FAM186B: variants seen among roughly 807,000 people sequenced by gnomAD.
The protein encoded by FAM186B is protein FAM186B.
FAM186B carries 68 observed loss-of-function variants against 83.4 expected under a neutral mutation model. The observed-to-expected ratio is 0.81, with a 90% confidence interval of 0.67 to 1.00. FAM186B has a LOEUF of 1.00. Ranked by LOEUF, FAM186B falls within the 50% of genes least tolerant of loss-of-function variation. The pLI is 0.00. For missense variants in FAM186B, 983 were observed against 1,099.2 expected (o/e 0.89, Z 1.49); for synonymous variants, 389 against 422.0 (o/e 0.92, Z 0.96).
At chr12:49,621,141 G>A in the FAM186B span, among the ~76,000 whole-genome samples, 1 of 152,224 alleles carries the variant, frequency 6.6e-6, no homozygotes, top group African/African-American at 2.4e-5. Context: ...CCAACACTTT[G>A]CCAGGTCGAG....
rs751527453 is a variant in FAM186B, at chr12:49,599,694, G to T, written c.1946C>A (p.Ser649Tyr). The T allele has an allele frequency of 1.9e-5, 30 of 1,610,304 alleles. No individual in the cohort carries two copies. Among genetic ancestry groups the T allele is most frequent in the Non-Finnish European group, 2.5e-5 (29 of 1,178,312 alleles). The part of the protein sequence containing the change: ...GTSIRRLTWP[S>Y]LQISPANIKK... ...AATATTTGCAGGGGATATCTGCAAAGAGGGCCAGGTCAGCCTTCGGATGGA... is the reference window on the plus strand; with the variant it reads ...AATATTTGCAGGGGATATCTGCAAATAGGGCCAGGTCAGCCTTCGGATGGA... The change falls in exon 4 of 7, where the codon TCT becomes TAT. Residue 649 changes from serine (S) to tyrosine (Y), a missense_variant. Physicochemically the swap from Ser to Tyr is moderately radical, Grantham distance 144 (BLOSUM62 -2). Coordinates refer to ENST00000257894, the MANE Select transcript of FAM186B (RefSeq NM_032130.3).
chr12:49,583,072 G>A, downstream of FAM186B: 3 of 456,272 alleles, frequency 6.6e-6, 1 homozygote, highest in South Asian at 4.6e-5. Context: ...ACCAGAGCAA[G>A]TTCAGCCACC....
At chr12:49,621,381 CA>C in the FAM186B span, among the ~76,000 whole-genome samples, 19 of 152,080 alleles carry the variant, frequency 1.2e-4, no homozygotes, top group Non-Finnish European at 2.4e-4. Flanking sequence ...CAAAACAAAA[CA>C]ACAACAACAA....
the FAM186B span, among the ~76,000 whole-genome samples, chr12:49,616,374 C>T: frequency 6.6e-6 from 1 of 152,088 alleles, no homozygotes; most frequent in South Asian, 2.1e-4. Context: ...CCCAGCAATC[C>T]CACTCCTAAG....
intron 3 of FAM186B, 43 bp from the exon 4 acceptor site, chr12:49,601,177 TC>T (rs772716334): frequency 6.5e-5 from 98 of 1,515,252 alleles, no homozygotes; most frequent in Non-Finnish European, 6.9e-5. Context: ...TTCTCATGGG[TC>T]CCAAGGATTG....
chr12:49,588,716 T>C (rs1939508873), intron 5 of FAM186B, 93 bp from the exon 6 acceptor site: 2 of 1,334,222 alleles, frequency 1.5e-6, no homozygotes, highest in African/African-American at 2.9e-5. Context: ...GTGCCCCTGC[T>C]GGACTCAGGG....
intron 6 of FAM186B, among the ~76,000 whole-genome samples, chr12:49,588,037 G>A (rs1162824466): frequency 6.6e-6 from 1 of 152,214 alleles, no homozygotes; most frequent in Non-Finnish European, 1.5e-5. Context: ...GGGTAGGTGT[G>A]GACCAGGGTC....
In FAM186B at chr12:49,588,452, A is replaced by G. The variant is rs746387916; in HGVS notation, c.2534+2T>C. On this transcript the variant is annotated splice_donor_variant, in intron 6 of 6. Transcript: ENST00000257894. LOFTEE classifies it high-confidence loss of function. ...CTGCCCCCTCAGCTTCCCAGAACCT[A>G]CCGGGCCATCTGCAGGGGCACACAT... 5.0e-6 allele frequency: 8 copies of G among 1,610,228 alleles called. No individual in the cohort carries two copies. Among genetic ancestry groups the G allele is most frequent in the Non-Finnish European group, 6.8e-6 (8 of 1,177,688 alleles).
chr12:49,590,770 A>AC (rs1014705657), intron 5 of FAM186B, among the ~76,000 whole-genome samples: 1 of 152,166 alleles, frequency 6.6e-6, no homozygotes, highest in Non-Finnish European at 1.5e-5. Context: ...ATGGTTCCTA[A>AC]CCCATAGGGC....
In FAM186B at chr12:49,604,528, G is replaced by C. The variant is rs565605408; in HGVS notation, c.107C>G (p.Thr36Ser). 6.2e-7 allele frequency: 1 copy of C among 1,614,004 alleles called. No individual in the cohort carries two copies. Among genetic ancestry groups the C allele is most frequent in the Non-Finnish European group, 8.5e-7 (1 of 1,179,870 alleles). Residue 36 changes from threonine to serine, a missense_variant, in exon 2 of 7, where the codon ACC (threonine) becomes AGC (serine). Transcript: ENST00000257894. ...ATTGTCCAAAATGTCTGAGAGCTGG[G>C]TAGAAATATCCTATAGAGAAGCAGC... is the stretch of plus-strand genomic sequence containing the variant. ...QLTRAQEDIS[T>S]QLSDILDNVN...
chr12:49,602,441 T>C (rs1486252601), intron 3 of FAM186B, among the ~76,000 whole-genome samples: 1 of 152,188 alleles, frequency 6.6e-6, no homozygotes, highest in Non-Finnish European at 1.5e-5. Flanking sequence ...CCTGAGCATG[T>C]TCCAAGCATG....
chr12:49,613,395 T>C, the FAM186B span, among the ~76,000 whole-genome samples: 104 of 150,822 alleles, frequency 6.9e-4, no homozygotes, highest in East Asian at 9.0e-3. Flanking sequence ...GGTGTGGTGG[T>C]GGGCGCCTGT....
At chr12:49,595,322 A>G (rs60415769) in intron 5 of FAM186B, 9 of 622,454 alleles carry the variant, frequency 1.4e-5, no homozygotes, top group Non-Finnish European at 2.4e-5. Context: ...GGACCATATG[A>G]CATAGTAGTT....
rs187327056 is a variant in FAM186B, at chr12:49,598,649, C to T, written c.2364+106G>A. ...TCTCCTTTCCCTTCTGCCCCTGGTC[C>T]CGCAGTCTCAGCCACATCCCCACGG... On this transcript the variant is annotated intron_variant, in intron 5 of 6. Transcript: ENST00000257894. The T allele has an allele frequency of 1.5e-5, 15 of 1,006,448 alleles. No individual in the cohort carries two copies. The East Asian group carries it at 3.4e-4, about 23-fold the overall frequency. The allele number at this position is 1,006,448 out of a possible 1,614,324, so 62.3% of individuals were successfully genotyped here.
downstream of FAM186B, chr12:49,587,489 G>A (rs1024687856): frequency 4.2e-6 from 6 of 1,426,678 alleles, no homozygotes; most frequent in Admixed American, 1.0e-4. Flanking sequence ...GTGTGGGATA[G>A]CAAATGAGGT....
downstream of FAM186B, among the ~76,000 whole-genome samples, chr12:49,585,297 C>T (rs541841230): frequency 1.3e-5 from 2 of 152,176 alleles, no homozygotes; most frequent in African/African-American, 2.4e-5. Flanking sequence ...GGATTACAGG[C>T]GTGAGCCACT....
In FAM186B at chr12:49,599,473, G is replaced by A. The variant is rs1413517963; in HGVS notation, c.2167C>T (p.Leu723Phe). Residue 723 changes from leucine to phenylalanine, a missense_variant, in exon 4 of 7, where the codon CTC becomes TTC. Physicochemically the swap from Leu to Phe is conservative, Grantham distance 22. Coordinates refer to ENST00000257894, the MANE Select transcript of FAM186B (RefSeq NM_032130.3). Reference protein sequence around the residue: ...KYIFYRRLQSLRQEAINHVQI... With the variant: ...KYIFYRRLQSFRQEAINHVQI... ...TGGGTTCCAGGGAGGACCTACCGGA[G>A]GCTCTGGAGGCGTCTATAGAAGATG... 6.6e-7 allele frequency: 1 copy of A among 1,526,564 alleles called. No individual in the cohort carries two copies. Among genetic ancestry groups the A allele is most frequent in the South Asian group, 1.3e-5 (1 of 75,404 alleles). The allele number at this position is 1,526,564 out of a possible 1,614,324, so 94.6% of individuals were successfully genotyped here.
At chr12:49,610,045 G>A (rs559385039), upstream of FAM186B, among the ~76,000 whole-genome samples, 5 of 151,540 alleles carry the variant, frequency 3.3e-5, no homozygotes, top group East Asian at 7.8e-4. Flanking sequence ...AAAATCTGCT[G>A]ATAGTATACA....
intron 3 of FAM186B, 149 bp from the exon 4 acceptor site, chr12:49,601,283 G>T (rs1803865477): frequency 3.5e-6 from 4 of 1,134,182 alleles, no homozygotes; most frequent in Middle Eastern, 2.5e-4. Context: ...GCCAGGGACA[G>T]TGCTGTCAGG....
Sources: gnomAD v4.1 joint callset for allele counts (sites outside exome capture counted in the v4.1 genomes callset) on GRCh38, gnomAD v4.1.1 for gene constraint, MANE v1.5 for transcripts, NCBI Gene and HGNC (gene_info 2026-07-23, HGNC 2026-07-21) for gene names.